Variants in GRIP2 observed in about 807,000 individuals in gnomAD.
GRIP2 encodes glutamate receptor-interacting protein 2.
Under a neutral mutation model 108.3 loss-of-function variants are expected in GRIP2, and 58 were observed. The ratio of observed to expected loss-of-function variants is 0.54; its 90% CI spans 0.43 to 0.67. GRIP2 has a LOEUF of 0.67. Among genes scored for constraint, GRIP2 ranks in the 30% least tolerant of loss-of-function variants. The pLI is 0.00. For synonymous variants in GRIP2, 586 were observed against 598.2 expected (o/e 0.98, Z 0.30); for missense variants, 1,278 against 1,430.6 (o/e 0.89, Z 1.72).
rs1694111445 is a variant in GRIP2, at chr3:14,512,032, C to T, written c.1721-553G>A. Among the ~76,000 whole-genome samples the T allele has an allele frequency of 6.6e-6, 1 of 152,126 alleles. No individual in the cohort carries two copies. The highest frequency in any genetic ancestry group is 2.4e-5 in the African/African-American group (1 of 41,418). ...AGAAACCTGAGAAACGGGCTTGTGT[C>T]GAGGGCGGTAAATGTTCAGTCAGGT... On this transcript the variant is annotated intron_variant, in intron 14 of 23. Coordinates refer to ENST00000621039, the MANE Select transcript of GRIP2 (RefSeq NM_001080423.4). The surrounding 1 kb of genome is among the most constrained non-coding windows in gnomAD (Gnocchi z 5.1).
chr3:14,562,535 A>T, the GRIP2 span, among the ~76,000 whole-genome samples: 2 of 152,254 alleles, frequency 1.3e-5, no homozygotes. Flanking sequence ...TAAAGAATGA[A>T]GCACGTTTCC....
the GRIP2 span, among the ~76,000 whole-genome samples, chr3:14,595,735 G>C: frequency 6.6e-6 from 1 of 152,244 alleles, no homozygotes; most frequent in Admixed American, 6.5e-5. Flanking sequence ...TGGCTCCGCA[G>C]GTTGCCCCTT....
At chr3:14,564,375 T>G in the GRIP2 span, among the ~76,000 whole-genome samples, 1 of 152,202 alleles carries the variant, frequency 6.6e-6, no homozygotes, top group Admixed American at 6.5e-5. Flanking sequence ...GGGCTCCTCC[T>G]CAAGCCAGGC....
At chr3:14,572,236 T>C in the GRIP2 span, among the ~76,000 whole-genome samples, 1 of 151,128 alleles carries the variant, frequency 6.6e-6, no homozygotes, top group South Asian at 2.1e-4. Flanking sequence ...TCAATAAAAA[T>C]GGCGGCATAT....
chr3:14,542,202 C>G (rs1251761478), upstream of GRIP2: 2 of 548,290 alleles, frequency 3.6e-6, no homozygotes, highest in Non-Finnish European at 5.6e-6. Flanking sequence ...GTCACCTGGG[C>G]TGGAGTGCAG....
Position 14,493,786 on chromosome 3 carries a change from G to T in GRIP2, c.3011C>A (p.Ala1004Glu). ...ACCCGCCTCGGCCAGGAGTGGCACC[G>T]CCAGGCAGCAGTCGAAGTCCCGTGT... ...VRTRDFDCCL[A>E]VPLLAEAGDV... Residue 1004 changes from alanine (A) to glutamate (E), a missense_variant, in exon 24 of 24, where the codon GCG becomes GAG. Transcript: ENST00000621039. 1 of 1,613,486 alleles carries T rather than the reference G, an allele frequency of 6.2e-7. No homozygotes were observed.
At chr3:14,498,204 G>A (rs187512449) in intron 21 of GRIP2, among the ~76,000 whole-genome samples, 151 of 152,338 alleles carry the variant, frequency 9.9e-4, no homozygotes, top group African/African-American at 3.6e-3. Flanking sequence ...GTTTATGCTT[G>A]TAATCCCAGC....
intron 1 of GRIP2, among the ~76,000 whole-genome samples, chr3:14,555,664 G>A (rs1436941238): frequency 2.6e-5 from 4 of 151,956 alleles, no homozygotes; most frequent in Admixed American, 6.6e-5. Context: ...CAGAGAGAGC[G>A]GAGAGACAGA....
At chr3:14,564,078 A>T in the GRIP2 span, among the ~76,000 whole-genome samples, 2 of 152,318 alleles carry the variant, frequency 1.3e-5, no homozygotes, top group East Asian at 3.9e-4. Flanking sequence ...CAGCTCATCC[A>T]TCTGATGGCT....
rs766543232 is a variant in GRIP2, at chr3:14,511,275, G to C, written c.1823C>G (p.Ala608Gly). Residue 608 changes from alanine (A) to glycine (G), a missense_variant, in exon 16 of 24, where the codon GCC becomes GGC. Ala to Gly is a moderately conservative substitution (Grantham distance 60). Coordinates refer to ENST00000621039, the MANE Select transcript of GRIP2 (RefSeq NM_001080423.4). The surrounding 1 kb of genome is among the most constrained non-coding windows in gnomAD (Gnocchi z 4.1). ...GTLEPGDKLL[A>G]IDNIRLDNCP... is the part of the protein sequence containing the mutation. ...GTTGTCCAGGCGGATATTGTCAATG[G>C]CCAGTAGCTTGTCGCCTGGCTCCAG... The C allele has an allele frequency of 6.2e-7, 1 of 1,614,012 alleles. No homozygotes were observed. The highest frequency in any genetic ancestry group is 1.7e-5 in the Admixed American group (1 of 60,022).
intron 12 of GRIP2, 100 bp from the exon 13 acceptor site, chr3:14,513,910 C>T (rs1434112421): frequency 7.2e-7 from 1 of 1,392,526 alleles, no homozygotes; most frequent in Non-Finnish European, 9.8e-7. Flanking sequence ...GTCACACCTC[C>T]TGGTCTGGGG....
chr3:14,546,071 C>T (rs778400190), upstream of GRIP2, among the ~76,000 whole-genome samples: 7 of 152,130 alleles, frequency 4.6e-5, no homozygotes, highest in East Asian at 1.9e-4. Flanking sequence ...TCAGAGTAGG[C>T]GACCTTTAAG....
Position 14,509,832 on chromosome 3 carries a change from C to A in GRIP2, c.2066G>T (p.Gly689Val). ...AGCCCCAGTTCACCTCTCAGCCAGGCCACGCTTGGTGAGGCCTGAGATGAC... is the reference window on the plus strand; with the variant it reads ...AGCCCCAGTTCACCTCTCAGCCAGGACACGCTTGGTGAGGCCTGAGATGAC... ...PIVISGLTKRGLAERTGAIHV... is the reference protein window; with the variant it reads ...PIVISGLTKRVLAERTGAIHV... Residue 689 changes from glycine (G) to valine (V), a missense_variant, in exon 17 of 24, where the codon GGC (glycine) becomes GTC (valine). Transcript: ENST00000621039. The A allele has an allele frequency of 6.6e-7, 1 of 1,513,140 alleles. No individual in the cohort carries two copies. The highest frequency in any genetic ancestry group is 1.3e-5 in the South Asian group (1 of 77,202). The allele number at this position is 1,513,140 out of a possible 1,614,324, so 93.7% of individuals were successfully genotyped here.
upstream of GRIP2, among the ~76,000 whole-genome samples, chr3:14,557,219 A>G (rs1256364591): frequency 1.3e-5 from 2 of 152,246 alleles, no homozygotes; most frequent in East Asian, 3.8e-4. Flanking sequence ...GATGGAACAC[A>G]GGGCAGTTCT....
At chr3:14,600,252 A>G in the GRIP2 span, among the ~76,000 whole-genome samples, 8 of 152,208 alleles carry the variant, frequency 5.3e-5, no homozygotes, top group Non-Finnish European at 1.0e-4. Context: ...GTTAAATCAG[A>G]TATAATAATC....
upstream of GRIP2, among the ~76,000 whole-genome samples, chr3:14,544,339 G>C (rs1695025609): frequency 6.6e-6 from 1 of 152,178 alleles, no homozygotes; most frequent in Non-Finnish European, 1.5e-5. Flanking sequence ...CACACTGCAG[G>C]GTTCCTAGCA....
rs1694100010 is a variant in GRIP2, at chr3:14,511,724, G to A, written c.1721-245C>T. On this transcript the variant is annotated intron_variant, in intron 14 of 23. Transcript: ENST00000621039. This position sits in a 1 kb window ranked among gnomAD's most constrained non-coding sequence, Gnocchi z 4.1. ...TGGTGAGAGTAAACCAGATAACACAGGCACAAGATCCAGCATGGCCCTTCC... is the reference window on the plus strand; with the variant it reads ...TGGTGAGAGTAAACCAGATAACACAAGCACAAGATCCAGCATGGCCCTTCC... Among the ~76,000 whole-genome samples, 1 of 152,214 alleles carries A rather than the reference G, an allele frequency of 6.6e-6. No homozygotes were observed. The highest frequency in any genetic ancestry group is 2.1e-4 in the South Asian group (1 of 4,838).
chr3:14,560,208 C>T (rs566459978), upstream of GRIP2, among the ~76,000 whole-genome samples: 1 of 151,956 alleles, frequency 6.6e-6, no homozygotes, highest in African/African-American at 2.4e-5. Context: ...GATCTCTGAT[C>T]GTAGCACTGC....
rs749974287 is a variant in GRIP2 at position 14,503,528 on chromosome 3, G to A, written c.2679+38C>T. ...CACACACACCAGAGTGAACAGCCCC[G>A]GGTGCCCCATGCAGGCCTGCAGGGC... On this transcript the variant is annotated intron_variant, in intron 21 of 23. Coordinates refer to ENST00000621039, the MANE Select transcript of GRIP2 (RefSeq NM_001080423.4). 48 of 1,456,158 alleles carry A rather than the reference G, an allele frequency of 3.3e-5. No individual in the cohort carries two copies. In the East Asian group the frequency reaches 5.9e-4, roughly 18 times the overall value. 90.2% of individuals were successfully genotyped at this position (1,456,158 alleles called of 1,614,324 possible).
Sources: allele counts gnomAD v4.1 joint callset (sites outside exome capture counted in the v4.1 genomes callset), GRCh38; gene constraint gnomAD v4.1.1; non-coding constraint Gnocchi (gnomAD v3.1); transcripts MANE v1.5; gene names NCBI Gene and HGNC (gene_info 2026-07-23, HGNC 2026-07-21).